SLC18B1: variants seen among roughly 807,000 people sequenced by gnomAD.
SLC18B1 encodes the protein solute carrier family 18 member B1.
Under a neutral mutation model 53.9 loss-of-function variants are expected in SLC18B1, and 62 were observed. The observed-to-expected ratio is 1.15, with a 90% confidence interval of 0.94 to 1.42. The LOEUF is 1.42. SLC18B1 is among the 40% of genes most tolerant of loss of function. SLC18B1 has a pLI of 0.00. For missense variants in SLC18B1, 598 were observed against 547.3 expected (o/e 1.09, Z -0.93); for synonymous variants, 217 against 200.9 (o/e 1.08, Z -0.68).
chr6:132,788,336 C>T (rs1253866186), intron 4 of SLC18B1, among the ~76,000 whole-genome samples: 2 of 151,812 alleles, frequency 1.3e-5, no homozygotes, highest in Non-Finnish European at 2.9e-5. Flanking sequence ...GTACCTCACC[C>T]ATAATTTTTA....
intron 7 of SLC18B1, among the ~76,000 whole-genome samples, chr6:132,777,991 A>G (rs957678635): frequency 2.6e-5 from 4 of 152,196 alleles, no homozygotes; most frequent in African/African-American, 9.6e-5. Context: ...ACTGAGTCCG[A>G]AAAAGGAGTC....
chr6:132,791,754 C>A (rs1781528965), intron 2 of SLC18B1, among the ~76,000 whole-genome samples: 1 of 152,056 alleles, frequency 6.6e-6, no homozygotes, highest in African/African-American at 2.4e-5. Flanking sequence ...TTTCCATGTA[C>A]TAATAACCAC....
chr6:132,795,046 T>C (rs1781636758), intron 2 of SLC18B1, among the ~76,000 whole-genome samples: 1 of 152,064 alleles, frequency 6.6e-6, no homozygotes, highest in Non-Finnish European at 1.5e-5. Context: ...AAAGTTCCTT[T>C]CAGTAACGCC....
chr6:132,797,965 G>C (rs1781742845), intron 1 of SLC18B1, among the ~76,000 whole-genome samples: 1 of 151,958 alleles, frequency 6.6e-6, no homozygotes, highest in African/African-American at 2.4e-5. Flanking sequence ...CATTTGCTTT[G>C]CTCTATTTGT....
At position 132,769,388 on chromosome 6, in the gene SLC18B1, C is replaced by G. The variant is rs1046519966; in HGVS notation, c.*882G>C. On this transcript the variant is annotated 3_prime_UTR_variant, in exon 14 of 14. Coordinates refer to ENST00000275227, the MANE Select transcript of SLC18B1 (RefSeq NM_052831.3). Reference sequence around the variant, plus strand: ...AGAAGCATGAGAGTTACACAATAGACATTTATTCACTTCAACATCACAATT... The same window carrying G: ...AGAAGCATGAGAGTTACACAATAGAGATTTATTCACTTCAACATCACAATT... The G allele has an allele frequency of 1.6e-4, 25 of 152,178 alleles. No individual in the cohort carries two copies. The highest frequency in any genetic ancestry group is 6.0e-4 in the African/African-American group (25 of 41,446). 9.4% of individuals were successfully genotyped at this position (152,178 alleles called of 1,614,324 possible). A position where few individuals can be genotyped will look rare whatever the true frequency, so the allele number is the denominator to read the frequency against.
chr6:132,782,083 G>T (rs112208620), intron 6 of SLC18B1, among the ~76,000 whole-genome samples: 1 of 151,612 alleles, frequency 6.6e-6, no homozygotes, highest in Admixed American at 6.6e-5. Flanking sequence ...AGCTACTCGG[G>T]AGGCTGAAGC....
rs746800394 is a variant in SLC18B1, at chr6:132,771,050, A to T, written c.1240T>A (p.Trp414Arg). The change falls in exon 12 of 14, where the codon TGG (tryptophan) becomes AGG (arginine). Residue 414 changes from tryptophan to arginine, a missense_variant. Coordinates refer to ENST00000275227, the MANE Select transcript of SLC18B1 (RefSeq NM_052831.3). ...TGATTACTCACACTTATCAGAGCCC[A>T]TAGACCTTGTATAGCTGCTGCCCAT... is the stretch of plus-strand genomic sequence containing the variant. ...FEWAAAIQGL[W>R]ALISGLAMGL... 2 of 1,614,060 alleles carry T rather than the reference A, an allele frequency of 1.2e-6. No individual in the cohort carries two copies. The highest frequency in any genetic ancestry group is 2.7e-5 in the African/African-American group (2 of 74,940).
intron 2 of SLC18B1, among the ~76,000 whole-genome samples, chr6:132,795,459 C>A (rs193246336): frequency 2.0e-5 from 3 of 152,114 alleles, no homozygotes; most frequent in Non-Finnish European, 4.4e-5. Context: ...GAGGTTGTTG[C>A]GGGGATTAAA....
chr6:132,777,422 T>C (rs1214959684), intron 7 of SLC18B1, among the ~76,000 whole-genome samples: 1 of 152,102 alleles, frequency 6.6e-6, no homozygotes, highest in Non-Finnish European at 1.5e-5. Context: ...TTATAAGATA[T>C]ACACAAACGG....
chr6:132,776,794 T>C lies in SLC18B1; in HGVS notation c.796-365A>G, dbSNP rs563786861. Among the ~76,000 whole-genome samples, 64 of 152,330 alleles carry C rather than the reference T, an allele frequency of 4.2e-4. 2 individuals are homozygous for C. The South Asian group carries it at 0.013, about 31-fold the overall frequency. The stretch of plus-strand genomic sequence containing the variant: ...TGGATTCCAACCATAGGGTTTCTGA[T>C]TCAGAAAAAGAGGAAAATAAATTTC... On this transcript the variant is annotated intron_variant, in intron 7 of 13. Coordinates refer to ENST00000275227, the MANE Select transcript of SLC18B1 (RefSeq NM_052831.3).
Position 132,798,485 on chromosome 6 carries a change from C to T in SLC18B1, c.-29G>A, listed in dbSNP as rs1261639544. ...CGGTGCGTGGACTCCGGCGCCCCAG[C>T]TCCCGGCTTCAAGCCACGTCCTTGG... On this transcript the variant is annotated 5_prime_UTR_variant, in exon 1 of 14. Coordinates refer to ENST00000275227, the MANE Select transcript of SLC18B1 (RefSeq NM_052831.3). The T allele has an allele frequency of 1.3e-6, 2 of 1,481,582 alleles. No homozygotes were observed. The highest frequency in any genetic ancestry group is 1.8e-6 in the Non-Finnish European group (2 of 1,111,930). 91.8% of individuals were successfully genotyped at this position (1,481,582 alleles called of 1,614,324 possible).
At chr6:132,794,083 C>T (rs922090083) in intron 2 of SLC18B1, among the ~76,000 whole-genome samples, 1 of 151,582 alleles carries the variant, frequency 6.6e-6, no homozygotes, top group Non-Finnish European at 1.5e-5. Context: ...CTCAATTCCA[C>T]AGGCTCTTAT....
At chr6:132,782,218 C>T (rs1464864013) in intron 6 of SLC18B1, among the ~76,000 whole-genome samples, 1 of 151,354 alleles carries the variant, frequency 6.6e-6, no homozygotes, top group Non-Finnish European at 1.5e-5. Flanking sequence ...CTAACAATAG[C>T]TCCCAGTGGC....
chr6:132,772,170 T>A lies in SLC18B1; in HGVS notation c.1122A>T (p.Gly374=), dbSNP rs1438126418. 4 of 1,581,356 alleles carry A rather than the reference T, an allele frequency of 2.5e-6. No homozygotes were observed. The South Asian group carries it at 3.6e-5, about 14-fold the overall frequency. Residue 374 remains glycine (G), a synonymous_variant, in exon 11 of 14, where the codon GGA becomes GGT. Coordinates refer to ENST00000275227, the MANE Select transcript of SLC18B1 (RefSeq NM_052831.3). ...NGFEEGLSTL[G]LVSGLFSAMW... is the part of the protein sequence containing the mutation. Reference sequence around the variant, plus strand: ...TTGCACTAAAAAGACCTGATACAAGTCCCAATGTACTTAATCCCTCTTCAA... The same window carrying A: ...TTGCACTAAAAAGACCTGATACAAGACCCAATGTACTTAATCCCTCTTCAA...
intron 2 of SLC18B1, among the ~76,000 whole-genome samples, chr6:132,795,209 T>C (rs955084889): frequency 1.3e-5 from 2 of 152,182 alleles, no homozygotes; most frequent in Non-Finnish European, 2.9e-5. Context: ...GACATCCTTT[T>C]CTTAAGGGAT....
intron 2 of SLC18B1, among the ~76,000 whole-genome samples, chr6:132,791,190 A>C (rs1781515642): frequency 1.3e-5 from 2 of 152,232 alleles, no homozygotes; most frequent in Admixed American, 1.3e-4. Context: ...GAACTGTCAT[A>C]TATTGACCGT....
chr6:132,770,048 T>C lies in SLC18B1; in HGVS notation c.*222A>G, dbSNP rs1023633706. 2 of 380,440 alleles carry C rather than the reference T, an allele frequency of 5.3e-6. No individual in the cohort carries two copies. Among genetic ancestry groups the C allele is most frequent in the Non-Finnish European group, 4.7e-6 (1 of 211,800 alleles). The allele number at this position is 380,440 out of a possible 1,614,324, so 23.6% of individuals were successfully genotyped here. On this transcript the variant is annotated 3_prime_UTR_variant, in exon 14 of 14. Coordinates refer to ENST00000275227, the MANE Select transcript of SLC18B1 (RefSeq NM_052831.3). ...TGCTTGTTTTTAATTACTCCTTTCA[T>C]ACTTAATATTTCAAATATAGCTGCT...
chr6:132,778,514 G>A (rs1194903663), intron 7 of SLC18B1, among the ~76,000 whole-genome samples: 1 of 152,024 alleles, frequency 6.6e-6, no homozygotes, highest in African/African-American at 2.4e-5. Flanking sequence ...AGAAAGCATT[G>A]GAAATGACCA....
intron 2 of SLC18B1, among the ~76,000 whole-genome samples, chr6:132,794,014 A>G (rs1258330501): frequency 6.6e-6 from 1 of 152,162 alleles, no homozygotes; most frequent in Non-Finnish European, 1.5e-5. Context: ...ACTGAGTTCC[A>G]GCTGAGCTAG....
Sources: gnomAD v4.1 joint callset for allele counts (sites outside exome capture counted in the v4.1 genomes callset) on GRCh38, gnomAD v4.1.1 for gene constraint, MANE v1.5 for transcripts, NCBI Gene and HGNC (gene_info 2026-07-23, HGNC 2026-07-21) for gene names.